The following SPSB4 variants were observed in gnomAD, a reference collection of about 807,000 sequenced individuals.
SPSB4 encodes SPRY domain-containing SOCS box protein 4.
A neutral mutation model predicts 20.9 loss-of-function variants in SPSB4; 21 were observed. The observed-to-expected ratio is 1.01, with a 90% CI of 0.71 to 1.45. SPSB4 has a LOEUF of 1.45. Ranked by LOEUF, SPSB4 falls within the 40% of genes most tolerant of loss-of-function variation. The pLI is 0.00. For missense variants in SPSB4, 399 were observed against 399.2 expected (o/e 1.00, Z 0.00); for synonymous variants, 207 against 183.8 (o/e 1.13, Z -1.02).
At chr3:141,062,278 A>G (rs957073982) in intron 1 of SPSB4, among the ~76,000 whole-genome samples, 8 of 152,274 alleles carry the variant, frequency 5.3e-5, no homozygotes, top group African/African-American at 1.9e-4. Context: ...ATTATATCAT[A>G]TCAAGGGTAC....
chr3:141,084,632 A>G (rs926588467), intron 2 of SPSB4, among the ~76,000 whole-genome samples: 7 of 152,326 alleles, frequency 4.6e-5, no homozygotes, highest in South Asian at 2.1e-4. Flanking sequence ...ATTAAGCCAT[A>G]TAAAGATCTC....
At chr3:141,105,526 GC>G (rs1296427318) in intron 2 of SPSB4, among the ~76,000 whole-genome samples, 2 of 152,116 alleles carry the variant, frequency 1.3e-5, no homozygotes, top group African/African-American at 4.8e-5. Flanking sequence ...ACTATATGCT[GC>G]CCCCCGAGGA....
At chr3:141,087,243 G>T (rs1938361997) in intron 2 of SPSB4, among the ~76,000 whole-genome samples, 1 of 152,202 alleles carries the variant, frequency 6.6e-6, no homozygotes, top group Admixed American at 6.5e-5. Flanking sequence ...AGGTTGACTG[G>T]CCGGAAGGAG....
At chr3:141,082,575 C>A (rs922666388) in intron 2 of SPSB4, among the ~76,000 whole-genome samples, 1 of 152,170 alleles carries the variant, frequency 6.6e-6, no homozygotes, top group Non-Finnish European at 1.5e-5. Flanking sequence ...GAAGAAAAGC[C>A]AAAGTAACCA....
intron 2 of SPSB4, among the ~76,000 whole-genome samples, chr3:141,139,639 T>C (rs1353783607): frequency 6.6e-6 from 1 of 152,212 alleles, no homozygotes; most frequent in Non-Finnish European, 1.5e-5. Flanking sequence ...AAAATTCTTT[T>C]CTTTAAGAAT....
intron 2 of SPSB4, among the ~76,000 whole-genome samples, chr3:141,095,085 G>A (rs962620391): frequency 1.3e-5 from 2 of 152,068 alleles, no homozygotes; most frequent in Admixed American, 1.3e-4. Flanking sequence ...GGCGTGTCTC[G>A]TCGGTCCCTA....
At chr3:141,132,176 T>G (rs761346286) in intron 2 of SPSB4, 34 of 431,802 alleles carry the variant, frequency 7.9e-5, no homozygotes, top group Admixed American at 2.8e-4. Flanking sequence ...ATATCTTTGT[T>G]TTTTTTTTTG....
intron 2 of SPSB4, among the ~76,000 whole-genome samples, chr3:141,130,541 G>C (rs866161113): frequency 2.6e-5 from 4 of 152,118 alleles, no homozygotes; most frequent in Non-Finnish European, 5.9e-5. Context: ...CCTATCTGCC[G>C]ACCATTGTCT....
At chr3:141,070,612 C>T (rs991195285) in intron 2 of SPSB4, among the ~76,000 whole-genome samples, 7 of 152,208 alleles carry the variant, frequency 4.6e-5, no homozygotes, top group Non-Finnish European at 8.8e-5. Context: ...TTCCTGGCCT[C>T]AAGCAATCCT....
At chr3:141,143,866 T>A (rs1939373219) in intron 2 of SPSB4, among the ~76,000 whole-genome samples, 1 of 152,246 alleles carries the variant, frequency 6.6e-6, no homozygotes, top group Non-Finnish European at 1.5e-5. Flanking sequence ...AGTTACAGAA[T>A]GAATAAAAAT....
intron 2 of SPSB4, among the ~76,000 whole-genome samples, chr3:141,071,917 G>A (rs1344116427): frequency 6.6e-6 from 1 of 152,240 alleles, no homozygotes; most frequent in Non-Finnish European, 1.5e-5. Flanking sequence ...TGGTATTGAT[G>A]AAGGCCAGAG....
At chr3:141,104,636 A>T (rs1367977622) in intron 2 of SPSB4, among the ~76,000 whole-genome samples, 1 of 152,218 alleles carries the variant, frequency 6.6e-6, no homozygotes, top group Non-Finnish European at 1.5e-5. Flanking sequence ...TCAGGCAGGC[A>T]GTGGTGTCTG....
chr3:141,103,182 C>T (rs562744442), intron 2 of SPSB4, among the ~76,000 whole-genome samples: 1 of 152,344 alleles, frequency 6.6e-6, no homozygotes, highest in South Asian at 2.1e-4. Context: ...GCCATGTCCC[C>T]CTCTGAGCTG....
chr3:141,141,594 G>A (rs1463632202), intron 2 of SPSB4, among the ~76,000 whole-genome samples: 2 of 152,202 alleles, frequency 1.3e-5, no homozygotes, highest in Non-Finnish European at 2.9e-5. Flanking sequence ...AGCAGCAACA[G>A]CAGTGGAATA....
chr3:141,136,820 T>A (rs1252661185), intron 2 of SPSB4, among the ~76,000 whole-genome samples: 1 of 152,176 alleles, frequency 6.6e-6, no homozygotes, highest in Admixed American at 6.5e-5. Context: ...CTTGGCGATG[T>A]GGGCTCTTTT....
At position 141,147,421 on chromosome 3, in the gene SPSB4, A is replaced by G; in HGVS notation, c.*152A>G. On this transcript the variant is annotated 3_prime_UTR_variant, in exon 3 of 3. Transcript: ENST00000310546. ...CTTTCAAAGACCAGGATGTGGTACCAACTTTGGAAACGAAAGGTCTCTTGC... is the reference window on the plus strand; with the variant it reads ...CTTTCAAAGACCAGGATGTGGTACCGACTTTGGAAACGAAAGGTCTCTTGC... 1 of 1,342,010 alleles carries G rather than the reference A, an allele frequency of 7.5e-7. No individual in the cohort carries two copies. The highest frequency in any genetic ancestry group is 2.4e-5 in the East Asian group (1 of 42,148). The allele number at this position is 1,342,010 out of a possible 1,614,324, so 83.1% of individuals were successfully genotyped here.
Position 141,066,446 on chromosome 3 carries a change from AGTT to A in SPSB4, c.344_346del (p.Val115del). 6.6e-7 allele frequency: 1 copy of A among 1,504,950 alleles called. No homozygotes were observed. Among genetic ancestry groups the A allele is most frequent in the Non-Finnish European group, 8.9e-7 (1 of 1,127,700 alleles). 93.2% of individuals were successfully genotyped at this position (1,504,950 alleles called of 1,614,324 possible). A position where few individuals can be genotyped will look rare whatever the true frequency, so the allele number is the denominator to read the frequency against. On this transcript the variant is annotated inframe_deletion, in exon 2 of 3. Coordinates refer to ENST00000310546, the MANE Select transcript of SPSB4 (RefSeq NM_080862.3). ...CTCGGCAGCGCGGCACCCACGCTGT[AGTT>A]GGTGTGGCCACGGCCCGTGCTCCCC...
chr3:141,145,929 A>G (rs73869508), intron 2 of SPSB4, among the ~76,000 whole-genome samples: 5,428 of 152,016 alleles, frequency 0.036, 325 homozygotes, highest in African/African-American at 0.12. Flanking sequence ...TCAAAACCCC[A>G]TTATGTGTCC....
intron 2 of SPSB4, among the ~76,000 whole-genome samples, chr3:141,139,628 G>A (rs1939288641): frequency 6.6e-6 from 1 of 152,210 alleles, no homozygotes; most frequent in Non-Finnish European, 1.5e-5. Context: ...ATTCTGGGTT[G>A]AAAATTCTTT....
Sources: allele counts gnomAD v4.1 joint callset (sites outside exome capture counted in the v4.1 genomes callset), GRCh38; gene constraint gnomAD v4.1.1; transcripts MANE v1.5; gene names NCBI Gene and HGNC (gene_info 2026-07-23, HGNC 2026-07-21).